The following UNC13C variants were observed in gnomAD, a reference collection of about 807,000 sequenced individuals.
UNC13C encodes the protein protein unc-13 homolog C.
A neutral mutation model predicts 245.4 loss-of-function variants in UNC13C; 174 were observed. The ratio of observed to expected loss-of-function variants is 0.71; its 90% CI spans 0.63 to 0.80. The LOEUF (loss-of-function observed/expected upper bound fraction) is 0.80. UNC13C is among the 30% of genes least tolerant of loss of function. The probability of loss-of-function intolerance (pLI) is 0.00; values close to 1 mark genes in which losing one functional copy is unlikely to be tolerated. For missense variants in UNC13C, 2,829 were observed against 2,602.9 expected (o/e 1.09, Z -1.89); for synonymous variants, 992 against 895.1 (o/e 1.11, Z -1.93).
the UNC13C span, chr15:53,913,224 C>T: frequency 6.6e-6 from 1 of 152,246 alleles, no homozygotes; most frequent in African/African-American, 2.4e-5. Context: ...CTGAGACAGC[C>T]TTCCTGGTAG....
At chr15:53,933,143 T>G in the UNC13C span, among the ~76,000 whole-genome samples, 1 of 152,174 alleles carries the variant, frequency 6.6e-6, no homozygotes, top group Non-Finnish European at 1.5e-5. Context: ...GTTCAGATCC[T>G]TATCATCTCA....
At chr15:54,026,544 T>G (rs1896115711) in intron 2 of UNC13C, among the ~76,000 whole-genome samples, 1 of 152,232 alleles carries the variant, frequency 6.6e-6, no homozygotes, top group African/African-American at 2.4e-5. Context: ...AGTCATTTAT[T>G]AAAGACATAG....
intron 13 of UNC13C, among the ~76,000 whole-genome samples, chr15:54,310,226 C>A (rs534272363): frequency 1.3e-5 from 2 of 151,758 alleles, no homozygotes; most frequent in Non-Finnish European, 2.9e-5. Flanking sequence ...AGTGTTAGAA[C>A]TGTAGCTGTT....
intron 4 of UNC13C, among the ~76,000 whole-genome samples, chr15:54,183,846 G>A (rs1360852656): frequency 6.6e-6 from 1 of 151,700 alleles, no homozygotes; most frequent in African/African-American, 2.4e-5. Flanking sequence ...CAGTGGCACA[G>A]GGAGAGGAAC....
rs867473436 is a variant in UNC13C at position 54,361,528 on chromosome 15, C to T, written c.4713+23039C>T. ...CCCCTTGCTGAAGCTTTGTTGTTTT[C>T]CTTTGGTGATGTCATATTTCCCTGA... On this transcript the variant is annotated intron_variant, in intron 17 of 32. Transcript: ENST00000260323. 4.9e-4 allele frequency among the ~76,000 whole-genome samples: 75 copies of T among 152,250 alleles called. No homozygotes were observed. The Middle Eastern group carries it at 0.01, about 21-fold the overall frequency.
At chr15:54,594,251 T>A (rs1349308676) in intron 30 of UNC13C, among the ~76,000 whole-genome samples, 1 of 152,088 alleles carries the variant, frequency 6.6e-6, no homozygotes, top group Non-Finnish European at 1.5e-5. Flanking sequence ...GTGGACTCCA[T>A]GGGGGCTCTT....
At chr15:54,566,621 GC>G (rs1897528302) in intron 29 of UNC13C, among the ~76,000 whole-genome samples, 1 of 151,952 alleles carries the variant, frequency 6.6e-6, no homozygotes, top group Middle Eastern at 3.2e-3. Context: ...AATCCCATTT[GC>G]CTAATTTCTC....
the UNC13C span, among the ~76,000 whole-genome samples, chr15:53,893,744 G>T: frequency 3.3e-5 from 5 of 151,958 alleles, no homozygotes; most frequent in Non-Finnish European, 7.4e-5. Context: ...CTGCTGCTGT[G>T]CTGGCAGCAA....
intron 10 of UNC13C, among the ~76,000 whole-genome samples, chr15:54,285,067 T>C (rs2037107135): frequency 6.6e-6 from 1 of 152,138 alleles, no homozygotes; most frequent in Non-Finnish European, 1.5e-5. Flanking sequence ...CATAAGTGCT[T>C]TCTTCAGTCA....
In UNC13C at chr15:54,275,096, T is replaced by G. The variant is rs376019908; in HGVS notation, c.3818+9600T>G. ...AACTTAAATATGCCAATGATCACAT[T>G]GCATAAAAAACATCTAAATGCCCCG... On this transcript the variant is annotated intron_variant, in intron 10 of 32. Coordinates refer to ENST00000260323, the MANE Select transcript of UNC13C (RefSeq NM_001080534.3). Among the ~76,000 whole-genome samples the G allele has an allele frequency of 9.2e-5, 14 of 152,138 alleles. No individual in the cohort carries two copies. The East Asian group carries it at 1.5e-3, about 17-fold the overall frequency.
chr15:54,517,625 A>C (rs1895038433), intron 24 of UNC13C, among the ~76,000 whole-genome samples: 1 of 152,140 alleles, frequency 6.6e-6, no homozygotes, highest in Non-Finnish European at 1.5e-5. Flanking sequence ...GTCTGAGCAC[A>C]CTGAATATGA....
intron 16 of UNC13C, among the ~76,000 whole-genome samples, 187 bp from the exon 17 acceptor site, chr15:54,338,174 A>AT (rs2038639054): frequency 6.6e-6 from 1 of 152,200 alleles, no homozygotes; most frequent in African/African-American, 2.4e-5. Context: ...AGCCATTATC[A>AT]TTTTCAATAA....
At chr15:54,497,250 G>A (rs559430672) in intron 20 of UNC13C, among the ~76,000 whole-genome samples, 2 of 152,194 alleles carry the variant, frequency 1.3e-5, no homozygotes, top group South Asian at 4.2e-4. Flanking sequence ...TAAGATCCCT[G>A]AGAAAAGAAA....
chr15:54,544,526 A>T (rs924042029), intron 26 of UNC13C, among the ~76,000 whole-genome samples: 2 of 152,228 alleles, frequency 1.3e-5, no homozygotes, highest in African/African-American at 4.8e-5. Flanking sequence ...TGCAGATGAC[A>T]TGATTGTATA....
chr15:54,273,714 C>T (rs980207869), intron 10 of UNC13C, among the ~76,000 whole-genome samples: 5 of 152,144 alleles, frequency 3.3e-5, no homozygotes, highest in Admixed American at 2.6e-4. Flanking sequence ...TGTAGTATTA[C>T]ACTACAACCA....
At chr15:54,044,124 C>G (rs1311728389) in intron 2 of UNC13C, among the ~76,000 whole-genome samples, 1 of 152,170 alleles carries the variant, frequency 6.6e-6, no homozygotes, top group South Asian at 2.1e-4. Flanking sequence ...TACCTTCTGT[C>G]CCTGTGGAGT....
chr15:54,307,902 T>C (rs921297503), intron 13 of UNC13C, among the ~76,000 whole-genome samples: 3 of 151,992 alleles, frequency 2.0e-5, no homozygotes, highest in African/African-American at 4.8e-5. Flanking sequence ...TTCTAACTTA[T>C]CACTGATAAG....
chr15:54,566,066 T>C (rs10152447), intron 29 of UNC13C, among the ~76,000 whole-genome samples: 6,497 of 151,774 alleles, frequency 0.043, 501 homozygotes, highest in African/African-American at 0.15. Flanking sequence ...TTTCCAGAGT[T>C]CCCCCCCTAC....
chr15:54,441,086 A>C (rs554220660), intron 19 of UNC13C, among the ~76,000 whole-genome samples: 1 of 152,172 alleles, frequency 6.6e-6, no homozygotes, highest in South Asian at 2.1e-4. Context: ...TACTTTGCAA[A>C]TATTTTCTCT....
Sources: gnomAD v4.1 joint callset for allele counts (sites outside exome capture counted in the v4.1 genomes callset) on GRCh38, gnomAD v4.1.1 for gene constraint, MANE v1.5 for transcripts, NCBI Gene and HGNC (gene_info 2026-07-23, HGNC 2026-07-21) for gene names.